ROBO2: variants seen among roughly 807,000 people sequenced by gnomAD.
The protein encoded by ROBO2 is roundabout guidance receptor 2, also known as roundabout homolog 2.
Under a neutral mutation model 160.8 loss-of-function variants are expected in ROBO2, and 53 were observed. The observed-to-expected ratio is 0.33, with a 90% CI of 0.26 to 0.41. ROBO2 has a LOEUF of 0.41. Ranked by LOEUF, ROBO2 falls within the 10% of genes least tolerant of loss-of-function variation. ROBO2 has a pLI of 1.00. For synonymous variants in ROBO2, 664 were observed against 611.7 expected (o/e 1.09, Z -1.26); for missense variants, 1,577 against 1,722.4 (o/e 0.92, Z 1.49).
chr3:76,733,743 T>C (rs1200082029), intron 2 of ROBO2, among the ~76,000 whole-genome samples: 3 of 152,222 alleles, frequency 2.0e-5, no homozygotes, highest in Non-Finnish European at 4.4e-5. Context: ...TTTTTTGTTT[T>C]ATACTCATTT....
Position 77,269,110 on chromosome 3 carries a change from T to C in ROBO2, c.388+170770T>C, listed in dbSNP as rs1246592698. On this transcript the variant is annotated intron_variant, in intron 2 of 25. Coordinates refer to ENST00000461745, the Ensembl canonical transcript of ROBO2. ...TCCTGTGTTGGTATAAAAAATAGGTTTCATAATTTTTTTTTCCTAATGCAT... is the reference window on the plus strand; with the variant it reads ...TCCTGTGTTGGTATAAAAAATAGGTCTCATAATTTTTTTTTCCTAATGCAT... Among the ~76,000 whole-genome samples, 3 of 109,790 alleles carry C rather than the reference T, an allele frequency of 2.7e-5. No homozygotes were observed. In the East Asian group the frequency reaches 6.5e-4, roughly 24 times the overall value. 72.0% of individuals were successfully genotyped at this position (109,790 alleles called of 152,430 possible).
At chr3:77,000,937 A>T (rs1179971679) in intron 2 of ROBO2, among the ~76,000 whole-genome samples, 1 of 152,160 alleles carries the variant, frequency 6.6e-6, no homozygotes. Flanking sequence ...TTTCCAAAAC[A>T]TGACATGACA....
chr3:77,343,543 T>C (rs143011494), intron 2 of ROBO2, among the ~76,000 whole-genome samples: 27 of 152,304 alleles, frequency 1.8e-4, no homozygotes, highest in Non-Finnish European at 3.2e-4. Flanking sequence ...CCCAACCATA[T>C]GCAGGGGGAT....
intron 2 of ROBO2, among the ~76,000 whole-genome samples, chr3:77,458,285 G>T (rs988481181): frequency 1.3e-5 from 2 of 152,144 alleles, no homozygotes; most frequent in African/African-American, 4.8e-5. Context: ...ACTTGCAATT[G>T]CAGAAAATAT....
At chr3:77,113,192 C>G (rs1004058699) in intron 2 of ROBO2, among the ~76,000 whole-genome samples, 11 of 152,168 alleles carry the variant, frequency 7.2e-5, no homozygotes, top group African/African-American at 2.7e-4. Flanking sequence ...ATGTAATTCC[C>G]CAGGACCCAT....
chr3:76,710,243 C>T (rs2093263907), intron 2 of ROBO2, among the ~76,000 whole-genome samples: 1 of 152,050 alleles, frequency 6.6e-6, no homozygotes, highest in Non-Finnish European at 1.5e-5. Flanking sequence ...GCCTCAGCCT[C>T]CCGAGTAGCT....
At chr3:77,423,559 T>C (rs2153534369) in intron 2 of ROBO2, among the ~76,000 whole-genome samples, 1 of 152,296 alleles carries the variant, frequency 6.6e-6, no homozygotes, top group African/African-American at 2.4e-5. Context: ...TGTGCCTTTG[T>C]TCTTCCTGGT....
In ROBO2 at chr3:77,574,722, C is replaced by T. The variant is rs1381426133; in HGVS notation, c.2195C>T (p.Thr732Ile). 2.7e-5 allele frequency: 44 copies of T among 1,610,354 alleles called. 1 individual carries two copies. The highest frequency in any genetic ancestry group is 3.7e-5 in the Non-Finnish European group (43 of 1,177,182). Reference sequence around the variant, plus strand: ...AGTGAATCTAAAACGGTTCGTACTACTGAAGAAGGTCAGTATTCAGATTTC... The same window carrying T: ...AGTGAATCTAAAACGGTTCGTACTATTGAAGAAGGTCAGTATTCAGATTTC... The change falls in exon 14 of 26, where the codon ACT (threonine) becomes ATT (isoleucine). Residue 732 changes from threonine to isoleucine, a missense_variant. By Grantham distance (89) the Thr-to-Ile change is moderately conservative. This residue lies in a region of ROBO2 where 940 missense variants were observed against 1,135.5 expected (regional missense o/e 0.83). Coordinates refer to ENST00000461745, the Ensembl canonical transcript of ROBO2.
At chr3:76,734,693 C>A (rs1054204808) in intron 2 of ROBO2, among the ~76,000 whole-genome samples, 1 of 152,140 alleles carries the variant, frequency 6.6e-6, no homozygotes, top group Non-Finnish European at 1.5e-5. Flanking sequence ...CTCTTTCTCC[C>A]AGACTCTTCA....
At chr3:77,289,512 A>C (rs1034759200) in intron 2 of ROBO2, among the ~76,000 whole-genome samples, 1 of 151,998 alleles carries the variant, frequency 6.6e-6, no homozygotes, top group African/African-American at 2.4e-5. Context: ...TGACGGTTCA[A>C]TGGGTAAGCT....
intron 2 of ROBO2, among the ~76,000 whole-genome samples, chr3:76,450,760 T>C (rs1464542004): frequency 6.6e-6 from 1 of 152,214 alleles, no homozygotes; most frequent in Non-Finnish European, 1.5e-5. Context: ...TAAAAAAATT[T>C]GCAAATTTCA....
At position 77,292,832 on chromosome 3, in the gene ROBO2, C is replaced by T. The variant is rs147265806; in HGVS notation, c.389-184582C>T. ...CACCCCAGATATAAAGTAAAACTGA[C>T]GGTTAAACGGGTAAGCTGAGGCTAG... On this transcript the variant is annotated intron_variant, in intron 2 of 25. Transcript: ENST00000461745. 1.4e-3 allele frequency among the ~76,000 whole-genome samples: 205 copies of T among 142,848 alleles called. 4 individuals carry two copies. The highest frequency in any genetic ancestry group is 5.0e-3 in the African/African-American group (197 of 39,156). The allele number at this position is 142,848 out of a possible 152,430, so 93.7% of individuals were successfully genotyped here.
intron 2 of ROBO2, among the ~76,000 whole-genome samples, chr3:76,883,858 A>C (rs979978141): frequency 6.6e-6 from 1 of 152,204 alleles, no homozygotes; most frequent in Non-Finnish European, 1.5e-5. Context: ...GAGAGTCTTC[A>C]ACTTAATTAT....
At chr3:76,291,759 C>A (rs1336685431) in intron 2 of ROBO2, among the ~76,000 whole-genome samples, 1 of 152,028 alleles carries the variant, frequency 6.6e-6, no homozygotes, top group Non-Finnish European at 1.5e-5. Context: ...TGATTTATGC[C>A]TTAATTTCAT....
At chr3:76,401,305 G>A (rs946256408) in intron 2 of ROBO2, among the ~76,000 whole-genome samples, 3 of 151,506 alleles carry the variant, frequency 2.0e-5, no homozygotes, top group African/African-American at 7.3e-5. Context: ...GACACACTAC[G>A]TGACTGTAGT....
chr3:76,322,114 T>G (rs1272649643), intron 2 of ROBO2, among the ~76,000 whole-genome samples: 1 of 147,384 alleles, frequency 6.8e-6, no homozygotes, highest in Non-Finnish European at 1.5e-5. Context: ...AAATATCTTG[T>G]GCAAATCATC....
intron 22 of ROBO2, among the ~76,000 whole-genome samples, chr3:77,619,829 C>T (rs765171336): frequency 1.3e-5 from 2 of 152,130 alleles, no homozygotes; most frequent in Non-Finnish European, 2.9e-5. Flanking sequence ...AGGGCAAAGG[C>T]CTAACCTCTC....
intron 1 of ROBO2, among the ~76,000 whole-genome samples, chr3:77,064,841 A>T (rs1221587961): frequency 6.6e-6 from 1 of 152,170 alleles, no homozygotes; most frequent in African/African-American, 2.4e-5. Context: ...CTATGACAAG[A>T]TATTTGTAAT....
chr3:77,261,875 T>C (rs2058799321), intron 2 of ROBO2, among the ~76,000 whole-genome samples: 1 of 151,694 alleles, frequency 6.6e-6, no homozygotes, highest in South Asian at 2.1e-4. Context: ...TCAAGCAATC[T>C]TCCCACCTTG....
Sources: gnomAD v4.1 joint callset for allele counts (sites outside exome capture counted in the v4.1 genomes callset) on GRCh38, gnomAD v4.1.1 for gene constraint, gnomAD v4.1.1 regional missense constraint, MANE v1.5 for transcripts, NCBI Gene and HGNC (gene_info 2026-07-23, HGNC 2026-07-21) for gene names.